ABI2: variants seen among roughly 807,000 people sequenced by gnomAD.
The protein encoded by ABI2 is abelson interactor 2.
In ABI2, 25 loss-of-function variants were observed where a neutral mutation model predicts 59.2. The ratio of observed to expected loss-of-function variants is 0.42; its 90% confidence interval spans 0.31 to 0.59. The LOEUF (loss-of-function observed/expected upper bound fraction) is 0.59, where lower values mean the gene tolerates loss of function less well. Among genes scored for constraint, ABI2 ranks in the 20% least tolerant of loss-of-function variants. The probability of loss-of-function intolerance (pLI) is 0.14; values close to 1 mark genes in which losing one functional copy is unlikely to be tolerated. For synonymous variants in ABI2, 213 were observed against 235.5 expected, an observed-to-expected ratio of 0.90 and a Z score of 0.87; for missense variants, 545 against 681.8, an observed-to-expected ratio of 0.80 and a Z score of 2.23.
rs183143730 is a variant in ABI2, at chr2:203,408,314, T to C, written c.1193-2971T>C. Among the ~76,000 whole-genome samples the C allele has an allele frequency of 4.3e-4, 66 of 151,822 alleles. 2 individuals are homozygous for C. The highest frequency in any genetic ancestry group is 4.3e-3 in the Admixed American group (65 of 15,258). ...AGTAGCTGGGGTTACAGGCACCTGC[T>C]ACCACACCTGGCTAATTTTTGTATT... On this transcript the variant is annotated intron_variant, in intron 9 of 11. Transcript: ENST00000261018.
At position 203,428,432 on chromosome 2, in the gene ABI2, C is replaced by T. The variant is rs1165766751; in HGVS notation, c.*1080C>T. 6.6e-6 allele frequency: 1 copy of T among 152,572 alleles called. No homozygotes were observed. The highest frequency in any genetic ancestry group is 2.4e-5 in the African/African-American group (1 of 41,430). The allele number at this position is 152,572 out of a possible 1,614,324, so 9.5% of individuals were successfully genotyped here. ...GCCAGTATTAGTTGCTGCTGTATTA[C>T]TGACTCGCTTAGCTGTAGAAAGGGT... On this transcript the variant is annotated 3_prime_UTR_variant, in exon 12 of 12. Coordinates refer to ENST00000261018, the MANE Select transcript of ABI2 (RefSeq NM_001375670.1).
intron 1 of ABI2, among the ~76,000 whole-genome samples, chr2:203,356,443 A>T (rs917162817): frequency 2.3e-4 from 35 of 152,102 alleles, no homozygotes; most frequent in African/African-American, 7.7e-4. Context: ...ATCTTGGCTC[A>T]CTGCAACCTC....
intron 8 of ABI2, among the ~76,000 whole-genome samples, chr2:203,397,765 GA>G (rs1350934073): frequency 2.0e-5 from 3 of 152,284 alleles, no homozygotes; most frequent in Admixed American, 2.0e-4. Context: ...GAGGCCTCAG[GA>G]AACTTACACT....
chr2:203,420,301 C>T (rs556623298), intron 11 of ABI2, among the ~76,000 whole-genome samples: 11 of 152,036 alleles, frequency 7.2e-5, no homozygotes, highest in Admixed American at 7.2e-4. Context: ...TTCTTTTGTT[C>T]TTCTGGCTCA....
chr2:203,339,198 A>G (rs1040580301), intron 1 of ABI2, among the ~76,000 whole-genome samples: 7 of 151,292 alleles, frequency 4.6e-5, no homozygotes, highest in Non-Finnish European at 1.5e-5. Flanking sequence ...TAGGGTGGCT[A>G]TCAAAAGAGA....
chr2:203,355,829 C>CA (rs771519788), intron 1 of ABI2, among the ~76,000 whole-genome samples: 2,179 of 68,266 alleles, frequency 0.032, 74 homozygotes, highest in African/African-American at 0.084. Context: ...AAAACTGTCT[C>CA]AAAAAAAAAA....
chr2:203,360,741 GT>G (rs2093372964), intron 1 of ABI2, among the ~76,000 whole-genome samples: 1 of 152,164 alleles, frequency 6.6e-6, no homozygotes, highest in Non-Finnish European at 1.5e-5. Context: ...CAGAAAAGAA[GT>G]TTGCTTGGCA....
At chr2:203,358,111 G>GTGTGTGTT (rs1553548766) in intron 1 of ABI2, among the ~76,000 whole-genome samples, 25 of 109,348 alleles carry the variant, frequency 2.3e-4, no homozygotes, top group Non-Finnish European at 4.1e-4. Flanking sequence ...GTGTGTGTGT[G>GTGTGTGTT]TGTTTGTTTG....
intron 1 of ABI2, chr2:203,328,899 C>G (rs2070538049): frequency 3.5e-6 from 1 of 288,064 alleles, no homozygotes; most frequent in African/African-American, 2.2e-5. Flanking sequence ...CCGCCCTCGG[C>G]CGCCCCCGCA....
chr2:203,353,261 A>G (rs991877177), intron 1 of ABI2, among the ~76,000 whole-genome samples: 1 of 152,124 alleles, frequency 6.6e-6, no homozygotes, highest in Admixed American at 6.5e-5. Flanking sequence ...TTTCATGGTT[A>G]CTTAAACTTG....
intron 9 of ABI2, among the ~76,000 whole-genome samples, chr2:203,408,833 C>CTTTCTTTTTTTTTTTTTTTTTT (rs1259310860): frequency 1.1e-5 from 1 of 87,204 alleles, no homozygotes; most frequent in Non-Finnish European, 2.4e-5. Context: ...CTTCTCCTTT[C>CTTTCTTTTTTTTTTTTTTTTTT]TTTTTTTTTT....
At chr2:203,408,255 T>C (rs1216360668) in intron 9 of ABI2, among the ~76,000 whole-genome samples, 1 of 151,206 alleles carries the variant, frequency 6.6e-6, no homozygotes, top group East Asian at 1.9e-4. Context: ...CTCTACCTCC[T>C]GGGTTCAAGC....
chr2:203,342,110 G>C (rs2080297607), intron 1 of ABI2: 2 of 420,394 alleles, frequency 4.8e-6, no homozygotes, highest in African/African-American at 2.1e-5. Flanking sequence ...TTAGTGTTCA[G>C]TAAATTTTTG....
chr2:203,374,979 G>C, intron 2 of ABI2: 1 of 350,276 alleles, frequency 2.9e-6, no homozygotes, highest in Non-Finnish European at 6.3e-6. Flanking sequence ...CTGAGCATGT[G>C]CTTGGGTTCA....
chr2:203,406,687 A>G (rs1215454351), intron 9 of ABI2, among the ~76,000 whole-genome samples: 1 of 152,120 alleles, frequency 6.6e-6, no homozygotes, highest in African/African-American at 2.4e-5. Context: ...TTTTCTCCCC[A>G]AAGTCTTGCT....
intron 9 of ABI2, among the ~76,000 whole-genome samples, chr2:203,408,551 ACCT>A (rs1054037050): frequency 6.6e-6 from 1 of 151,706 alleles, no homozygotes; most frequent in African/African-American, 2.4e-5. Context: ...AAAAAAAAAA[ACCT>A]CAGTCTACCC....
At chr2:203,372,381 C>G (rs1011890668) in intron 2 of ABI2, among the ~76,000 whole-genome samples, 3 of 152,084 alleles carry the variant, frequency 2.0e-5, no homozygotes, top group Middle Eastern at 3.2e-3. Context: ...CCCCACCTTT[C>G]CCCCCTTTCT....
intron 1 of ABI2, 61 bp downstream of exon 1, chr2:203,328,692 G>T: frequency 8.3e-7 from 1 of 1,208,642 alleles, no homozygotes. Flanking sequence ...CGCGCGCCTC[G>T]GGGCGTGGGG....
At chr2:203,358,115 T>G (rs74182359) in intron 1 of ABI2, among the ~76,000 whole-genome samples, 892 of 63,246 alleles carry the variant, frequency 0.014, 3 homozygotes, top group Middle Eastern at 0.026. Context: ...GTGTGTGTGT[T>G]TGTTTGTTTG....
Sources: gnomAD v4.1 joint callset for allele counts (sites outside exome capture counted in the v4.1 genomes callset) on GRCh38, gnomAD v4.1.1 for gene constraint, MANE v1.5 for transcripts, NCBI Gene and HGNC (gene_info 2026-07-23, HGNC 2026-07-21) for gene names.